The following PAK1 variants were observed in gnomAD, a reference collection of about 807,000 sequenced individuals.
PAK1 encodes the protein serine/threonine-protein kinase PAK 1.
Under a neutral mutation model 67.4 loss-of-function variants are expected in PAK1, and 29 were observed. The ratio of observed to expected loss-of-function variants is 0.43; its 90% CI spans 0.32 to 0.59. The LOEUF (loss-of-function observed/expected upper bound fraction) is 0.59, where lower values mean the gene tolerates loss of function less well. PAK1 is among the 20% of genes least tolerant of loss of function. PAK1 has a pLI of 0.07. For synonymous variants in PAK1, 223 were observed against 237.4 expected (o/e 0.94, Z 0.56); for missense variants, 337 against 670.7 (o/e 0.50, Z 5.50).
rs11330130 is a variant in PAK1, at chr11:77,443,305, T to TA, written c.-22+30246dup. Among the ~76,000 whole-genome samples the TA allele has an allele frequency of 3.5e-3, 448 of 126,910 alleles. 1 individual carries two copies. Among genetic ancestry groups the TA allele is most frequent in the South Asian group, 9.8e-3 (37 of 3,790 alleles). The allele number at this position is 126,910 out of a possible 152,430, so 83.3% of individuals were successfully genotyped here. A position where few individuals can be genotyped will look rare whatever the true frequency, so the allele number is the denominator to read the frequency against. Reference sequence around the variant, plus strand: ...GGCAACAGAGTGAGACTCCGTCTCTTAAAAAAAAAAAAAAAAAAAGAATTA... The same window carrying TA: ...GGCAACAGAGTGAGACTCCGTCTCTTAAAAAAAAAAAAAAAAAAAAGAATTA... On this transcript the variant is annotated intron_variant, in intron 1 of 14. Transcript: ENST00000356341.
At chr11:77,338,278 C>A (rs915173476) in intron 11 of PAK1, among the ~76,000 whole-genome samples, 1 of 152,130 alleles carries the variant, frequency 6.6e-6, no homozygotes, top group African/African-American at 2.4e-5. Context: ...TTAAAAAACA[C>A]TAAAGATATA....
At chr11:77,505,913 G>C in the PAK1 span, among the ~76,000 whole-genome samples, 1 of 152,162 alleles carries the variant, frequency 6.6e-6, no homozygotes, top group Non-Finnish European at 1.5e-5. Flanking sequence ...AGCCCAGCCA[G>C]GTCCGGCGCC....
chr11:77,425,590 A>G (rs1465180341), intron 1 of PAK1, among the ~76,000 whole-genome samples: 1 of 152,106 alleles, frequency 6.6e-6, no homozygotes, highest in Non-Finnish European at 1.5e-5. Context: ...TGCCACATAC[A>G]CATTTGTTAT....
chr11:77,324,728 T>C (rs983646156), intron 14 of PAK1, among the ~76,000 whole-genome samples: 1 of 151,156 alleles, frequency 6.6e-6, no homozygotes, highest in Non-Finnish European at 1.5e-5. Context: ...ATTCCCTTGA[T>C]TAGTCATATT....
chr11:77,324,234 G>A (rs1939127600), intron 14 of PAK1, among the ~76,000 whole-genome samples: 1 of 143,352 alleles, frequency 7.0e-6, no homozygotes, highest in African/African-American at 2.8e-5. Flanking sequence ...GTGCAGTGGT[G>A]CGGTCTCGGC....
chr11:77,329,318 A>G (rs182665535), intron 14 of PAK1: 17 of 152,398 alleles, frequency 1.1e-4, no homozygotes, highest in Admixed American at 9.2e-4. Context: ...AAAGCCTGGC[A>G]GAGACACAAC....
intron 1 of PAK1, among the ~76,000 whole-genome samples, chr11:77,441,113 C>T (rs987512271): frequency 3.7e-4 from 56 of 152,236 alleles, no homozygotes; most frequent in Middle Eastern, 6.8e-3. Context: ...GCCCTGCAGA[C>T]CTGGATCCTG....
Position 77,331,947 on chromosome 11 carries a change from T to A in PAK1, c.1551+783A>T, listed in dbSNP as rs536918366. Among the ~76,000 whole-genome samples, 33 of 152,138 alleles carry A rather than the reference T, an allele frequency of 2.2e-4. No individual in the cohort carries two copies. The South Asian group carries it at 6.8e-3, about 32-fold the overall frequency. On this transcript the variant is annotated intron_variant, in intron 14 of 14. Transcript: ENST00000356341. ...GATTTGGGTGTCAGAGACCCGTTTC[T>A]CAACAAGACTCAAACAAACTCTGCC...
chr11:77,330,587 G>A (rs918793536), intron 14 of PAK1, among the ~76,000 whole-genome samples: 24 of 152,312 alleles, frequency 1.6e-4, no homozygotes, highest in Non-Finnish European at 2.4e-4. Context: ...GCCATATGTA[G>A]AAAGCTGAAA....
intron 8 of PAK1, among the ~76,000 whole-genome samples, chr11:77,352,528 T>A (rs915511101): frequency 3.3e-5 from 5 of 152,152 alleles, no homozygotes; most frequent in Non-Finnish European, 7.4e-5. Context: ...TTTTAATAAA[T>A]GTACAGTCTA....
chr11:77,526,075 T>C, the PAK1 span, among the ~76,000 whole-genome samples: 7 of 152,352 alleles, frequency 4.6e-5, no homozygotes, highest in South Asian at 8.3e-4. Flanking sequence ...TCATTTATTT[T>C]ATCCAATCCA....
chr11:77,471,209 G>C (rs1565727147), intron 1 of PAK1, among the ~76,000 whole-genome samples: 1 of 152,202 alleles, frequency 6.6e-6, no homozygotes, highest in Non-Finnish European at 1.5e-5. Flanking sequence ...GGATGGGATG[G>C]GATGGGATGT....
At chr11:77,435,787 C>T (rs757736655) in intron 1 of PAK1, among the ~76,000 whole-genome samples, 3 of 150,244 alleles carry the variant, frequency 2.0e-5, no homozygotes, top group African/African-American at 7.4e-5. Context: ...GGATTATAGG[C>T]GTAAGCCACT....
At chr11:77,337,187 T>C (rs1392465709) in intron 12 of PAK1, 137 bp downstream of exon 12, 2 of 499,910 alleles carry the variant, frequency 4.0e-6, no homozygotes, top group South Asian at 3.5e-5. Flanking sequence ...ACAGAAAATA[T>C]AAAACAGCCC....
rs532273092 is a variant in PAK1 at position 77,352,631 on chromosome 11, CT to C, written c.836+904del. Among the ~76,000 whole-genome samples the C allele has an allele frequency of 1.8e-3, 269 of 152,308 alleles. 1 individual carries two copies. The highest frequency in any genetic ancestry group is 3.4e-3 in the Middle Eastern group (1 of 294). The stretch of plus-strand genomic sequence containing the variant: ...CCACTCACTGACTCACCTAGAGCAA[CT>C]TCCAGTCCTACAAGCTCCATCCATG... On this transcript the variant is annotated intron_variant, in intron 8 of 14. Transcript: ENST00000356341.
chr11:77,431,260 A>G (rs77960080), intron 1 of PAK1, among the ~76,000 whole-genome samples: 4,768 of 152,350 alleles, frequency 0.031, 116 homozygotes, highest in Non-Finnish European at 0.047. Flanking sequence ...CTGCTACATT[A>G]TGCAACTCTA....
At chr11:77,382,015 G>T (rs1413368434) in intron 2 of PAK1, among the ~76,000 whole-genome samples, 1 of 152,164 alleles carries the variant, frequency 6.6e-6, no homozygotes, top group Non-Finnish European at 1.5e-5. Context: ...CAGGGCTTTG[G>T]AACTACTTTC....
intron 1 of PAK1, among the ~76,000 whole-genome samples, chr11:77,412,742 G>A (rs938384522): frequency 6.6e-6 from 1 of 152,138 alleles, no homozygotes; most frequent in African/African-American, 2.4e-5. Context: ...CATTTATTAA[G>A]AACTATTATG....
At chr11:77,325,315 A>C (rs753713004) in intron 14 of PAK1, 2 of 1,613,850 alleles carry the variant, frequency 1.2e-6, no homozygotes, top group East Asian at 4.5e-5. Flanking sequence ...GAAATCCTGG[A>C]TCTGCTACTT....
Sources: allele counts gnomAD v4.1 joint callset (sites outside exome capture counted in the v4.1 genomes callset), GRCh38; gene constraint gnomAD v4.1.1; transcripts MANE v1.5; gene names NCBI Gene and HGNC (gene_info 2026-07-23, HGNC 2026-07-21).